Variants in TLL1 observed in about 807,000 individuals in gnomAD.
TLL1 encodes the protein tolloid-like protein 1.
TLL1 carries 49 observed loss-of-function variants against 128.2 expected under a neutral mutation model. The ratio of observed to expected loss-of-function variants is 0.38; its 90% CI spans 0.30 to 0.48. The LOEUF is 0.48. TLL1 is among the 20% of genes least tolerant of loss of function. The probability of loss-of-function intolerance (pLI) is 0.96; values close to 1 mark genes in which losing one functional copy is unlikely to be tolerated. For missense variants in TLL1, 1,123 were observed against 1,242.0 expected (o/e 0.90, Z 1.44); for synonymous variants, 454 against 418.8 (o/e 1.08, Z -1.03).
Position 165,873,832 on chromosome 4 carries a change from C to G in TLL1, c.-73C>G, listed in dbSNP as rs1397092657. 1.9e-6 allele frequency: 3 copies of G among 1,572,474 alleles called. No homozygotes were observed. The highest frequency in any genetic ancestry group is 2.7e-5 in the African/African-American group (2 of 74,176). ...GGAGAAGAGCACCGGTGCCCCTAGC[C>G]CCGCACATCAGCGCGGACCGCGGCT... On this transcript the variant is annotated 5_prime_UTR_variant, in exon 1 of 21. Coordinates refer to ENST00000061240, the MANE Select transcript of TLL1 (RefSeq NM_012464.5).
At chr4:166,084,890 A>G (rs1221550725) in intron 18 of TLL1, among the ~76,000 whole-genome samples, 1 of 151,248 alleles carries the variant, frequency 6.6e-6, no homozygotes, top group Non-Finnish European at 1.5e-5. Context: ...CAGTCTTTTT[A>G]TGGTTCCATA....
At chr4:165,932,184 T>A (rs780302423) in intron 1 of TLL1, among the ~76,000 whole-genome samples, 12 of 152,166 alleles carry the variant, frequency 7.9e-5, no homozygotes, top group Admixed American at 2.6e-4. Flanking sequence ...AGTTAGGCAG[T>A]CCACACTTAC....
chr4:165,953,933 T>C (rs1734659562), intron 1 of TLL1, among the ~76,000 whole-genome samples: 1 of 152,136 alleles, frequency 6.6e-6, no homozygotes, highest in South Asian at 2.1e-4. Flanking sequence ...TTTTTACTTT[T>C]CAAAAGTGAT....
chr4:166,041,643 T>C (rs1028419313), intron 10 of TLL1, among the ~76,000 whole-genome samples: 2 of 152,158 alleles, frequency 1.3e-5, no homozygotes, highest in African/African-American at 2.4e-5. Context: ...ATTGGCCAGG[T>C]TGACAATTTG....
At chr4:165,941,549 G>C (rs1314271876) in intron 1 of TLL1, among the ~76,000 whole-genome samples, 1 of 152,078 alleles carries the variant, frequency 6.6e-6, no homozygotes, top group Admixed American at 6.6e-5. Flanking sequence ...GTAATTCATT[G>C]TTGCTGAGAT....
chr4:166,042,978 G>A (rs1302844645), intron 11 of TLL1, among the ~76,000 whole-genome samples: 1 of 152,128 alleles, frequency 6.6e-6, no homozygotes, highest in Non-Finnish European at 1.5e-5. Flanking sequence ...CAAACTCACA[G>A]AGAATAAATT....
At chr4:166,022,441 G>A (rs1163723688) in intron 8 of TLL1, among the ~76,000 whole-genome samples, 1 of 152,154 alleles carries the variant, frequency 6.6e-6, no homozygotes, top group African/African-American at 2.4e-5. Flanking sequence ...CTCCCAAAGT[G>A]CTGAGATTAC....
intron 2 of TLL1, among the ~76,000 whole-genome samples, chr4:165,990,858 A>G (rs1022760399): frequency 2.6e-5 from 4 of 151,980 alleles, no homozygotes; most frequent in African/African-American, 9.7e-5. Context: ...GCATAGTGAC[A>G]ATCTTTTCTA....
intron 7 of TLL1, among the ~76,000 whole-genome samples, chr4:166,013,897 T>TTG (rs1737814288): frequency 1.4e-5 from 2 of 140,572 alleles, no homozygotes; most frequent in African/African-American, 6.3e-5. Context: ...GCATTCTTTG[T>TTG]TTTTTTTTAT....
intron 9 of TLL1, among the ~76,000 whole-genome samples, chr4:166,037,992 A>T (rs187372164): frequency 4.6e-5 from 7 of 152,284 alleles, no homozygotes; most frequent in African/African-American, 1.7e-4. Context: ...TGGTACCTAG[A>T]TATGAGATGC....
rs1742358925 is a variant in TLL1 at position 166,102,994 on chromosome 4, C to G, written c.*2118C>G. On this transcript the variant is annotated 3_prime_UTR_variant, in exon 21 of 21. Transcript: ENST00000061240. ...GTTCTATACTACTCCTACCCGTGTG[C>G]TAGGAATGTGCACTAGCTCTTTTTA... 1.3e-5 allele frequency: 2 copies of G among 151,872 alleles called. No individual in the cohort carries two copies. The highest frequency in any genetic ancestry group is 2.9e-5 in the Non-Finnish European group (2 of 67,872). The allele number at this position is 151,872 out of a possible 1,614,324, so 9.4% of individuals were successfully genotyped here.
At chr4:166,094,443 T>G (rs898858269) in intron 19 of TLL1, among the ~76,000 whole-genome samples, 1 of 152,000 alleles carries the variant, frequency 6.6e-6, no homozygotes, top group African/African-American at 2.4e-5. Flanking sequence ...TCAAAATATA[T>G]AAGTGACTAG....
chr4:166,035,931 A>G (rs1004613657), intron 9 of TLL1, among the ~76,000 whole-genome samples: 1 of 152,146 alleles, frequency 6.6e-6, no homozygotes, highest in African/African-American at 2.4e-5. Context: ...CTTATTTCTG[A>G]GGCAAAAAAA....
At chr4:165,930,823 C>T (rs548949301) in intron 1 of TLL1, among the ~76,000 whole-genome samples, 2 of 151,996 alleles carry the variant, frequency 1.3e-5, no homozygotes, top group South Asian at 4.2e-4. Flanking sequence ...TAAATAATGT[C>T]AAAAGAAACA....
intron 18 of TLL1, among the ~76,000 whole-genome samples, chr4:166,083,588 C>G (rs1346097725): frequency 8.1e-6 from 1 of 123,120 alleles, no homozygotes; most frequent in Non-Finnish European, 1.9e-5. Context: ...CAACTCTCTG[C>G]TTCTTTAAGT....
At chr4:166,012,110 A>G (rs1737721490) in intron 7 of TLL1, among the ~76,000 whole-genome samples, 1 of 151,522 alleles carries the variant, frequency 6.6e-6, no homozygotes, top group African/African-American at 2.4e-5. Flanking sequence ...TGGACTGCCC[A>G]TTTTTCATTT....
chr4:165,964,217 G>A (rs1017446225), intron 1 of TLL1, among the ~76,000 whole-genome samples: 1 of 152,146 alleles, frequency 6.6e-6, no homozygotes, highest in East Asian at 1.9e-4. Context: ...CTGAATTTCT[G>A]AGTTTCAATA....
At chr4:166,025,944 C>CT in intron 9 of TLL1, among the ~76,000 whole-genome samples, 1 of 151,414 alleles carries the variant, frequency 6.6e-6, no homozygotes, top group Non-Finnish European at 1.5e-5. Context: ...GCCTAGACGA[C>CT]CATATGAAGA....
At chr4:166,028,323 C>T (rs1470149341) in intron 9 of TLL1, among the ~76,000 whole-genome samples, 1 of 151,866 alleles carries the variant, frequency 6.6e-6, no homozygotes, top group Non-Finnish European at 1.5e-5. Flanking sequence ...TGTTTTTCTT[C>T]TTTGCAAACA....
Sources: gnomAD v4.1 joint callset for allele counts (sites outside exome capture counted in the v4.1 genomes callset) on GRCh38, gnomAD v4.1.1 for gene constraint, MANE v1.5 for transcripts, NCBI Gene and HGNC (gene_info 2026-07-23, HGNC 2026-07-21) for gene names.